ATL2: variants seen among roughly 807,000 people sequenced by gnomAD.
ATL2 encodes the protein atlastin GTPase 2.
A neutral mutation model predicts 73.9 loss-of-function variants in ATL2; 31 were observed. That is an observed-to-expected ratio of 0.42 (90% CI 0.32 to 0.57). ATL2 has a LOEUF of 0.57. Ranked by LOEUF, ATL2 falls within the 20% of genes least tolerant of loss-of-function variation. The pLI is 0.14. For missense variants in ATL2, 738 were observed against 702.6 expected (o/e 1.05, Z -0.57); for synonymous variants, 291 against 237.5 (o/e 1.23, Z -2.07).
intron 1 of ATL2, chr2:38,376,458 C>A: frequency 7.2e-6 from 2 of 276,596 alleles, no homozygotes; most frequent in East Asian, 6.4e-5. Flanking sequence ...GGCTCATAAC[C>A]CCAGTTTGAC....
chr2:38,316,137 G>C (rs780168449), intron 4 of ATL2, among the ~76,000 whole-genome samples: 7 of 152,244 alleles, frequency 4.6e-5, no homozygotes, highest in Non-Finnish European at 1.5e-5. Context: ...ACTCCGAAGA[G>C]AGAACAATCT....
intron 9 of ATL2, among the ~76,000 whole-genome samples, chr2:38,302,078 C>A (rs912544547): frequency 6.6e-6 from 1 of 152,138 alleles, no homozygotes; most frequent in African/African-American, 2.4e-5. Context: ...TCTAAACACA[C>A]CCTGGGCTGG....
upstream of ATL2, among the ~76,000 whole-genome samples, chr2:38,377,735 G>C (rs1421521759): frequency 6.8e-6 from 1 of 146,614 alleles, no homozygotes; most frequent in Non-Finnish European, 1.5e-5. Flanking sequence ...CCTTTTCATC[G>C]CCCCCTCCTC....
At chr2:38,302,727 C>G (rs1251505214) in intron 9 of ATL2, among the ~76,000 whole-genome samples, 1 of 152,088 alleles carries the variant, frequency 6.6e-6, no homozygotes, top group Non-Finnish European at 1.5e-5. Flanking sequence ...GGCAGTACCT[C>G]TACAAATCTG....
intron 6 of ATL2, among the ~76,000 whole-genome samples, chr2:38,314,341 TTAGA>T (rs1667913703): frequency 6.6e-6 from 1 of 152,214 alleles, no homozygotes; most frequent in Admixed American, 6.5e-5. Context: ...TGTCTTAAGT[TTAGA>T]ATAACATCTG....
intron 1 of ATL2, among the ~76,000 whole-genome samples, chr2:38,352,542 C>A (rs1353180153): frequency 6.6e-6 from 1 of 152,162 alleles, no homozygotes; most frequent in East Asian, 1.9e-4. Flanking sequence ...AGGATCTATG[C>A]AGAGGTGGAG....
intron 2 of ATL2, among the ~76,000 whole-genome samples, chr2:38,324,986 G>C (rs561937707): frequency 1.8e-4 from 27 of 152,310 alleles, no homozygotes; most frequent in African/African-American, 5.5e-4. Context: ...AATGTGAACA[G>C]ACTTAGTGCC....
chr2:38,369,032 T>G (rs1486528875), intron 1 of ATL2, among the ~76,000 whole-genome samples: 1 of 152,228 alleles, frequency 6.6e-6, no homozygotes, highest in African/African-American at 2.4e-5. Context: ...TTTTTACCTA[T>G]ATGTTGGCAT....
intron 2 of ATL2, among the ~76,000 whole-genome samples, chr2:38,331,466 C>T (rs1315281284): frequency 2.8e-5 from 4 of 144,612 alleles, no homozygotes; most frequent in African/African-American, 5.3e-5. Context: ...AAAAATTAGC[C>T]GGGCATGGCA....
intron 1 of ATL2, among the ~76,000 whole-genome samples, chr2:38,343,778 G>A (rs1271253771): frequency 6.6e-6 from 1 of 152,116 alleles, no homozygotes; most frequent in Non-Finnish European, 1.5e-5. Flanking sequence ...TTGTGGGAAG[G>A]ACCCAGTGGG....
At chr2:38,367,157 G>GT (rs965927270) in intron 1 of ATL2, among the ~76,000 whole-genome samples, 24 of 150,496 alleles carry the variant, frequency 1.6e-4, no homozygotes, top group African/African-American at 3.4e-4. Context: ...TTTCAGGTAG[G>GT]TTTTTTTTTA....
chr2:38,306,273 G>T (rs10177220), intron 9 of ATL2, among the ~76,000 whole-genome samples: 5,847 of 152,110 alleles, frequency 0.038, 153 homozygotes, highest in African/African-American at 0.072. Flanking sequence ...ACAAAGAAAA[G>T]CCCGAAAGCT....
chr2:38,371,681 T>G (rs1671697935), intron 1 of ATL2, among the ~76,000 whole-genome samples: 1 of 152,114 alleles, frequency 6.6e-6, no homozygotes. Context: ...GTGGATCACC[T>G]GAGGTCAGGA....
chr2:38,300,217 A>T (rs1573422794), intron 10 of ATL2, 55 bp downstream of exon 10: 6 of 1,376,726 alleles, frequency 4.4e-6, no homozygotes, highest in Non-Finnish European at 5.0e-6. Context: ...AAAGATTTTT[A>T]TTCTCCCTCA....
rs1402040748 is a variant in ATL2 at position 38,321,092 on chromosome 2, G to GGTT, written c.364-2076_364-2074dup. ...ATCGCTTGAACCCGGGTTTCAGGTG[G>GGTT]GTTGTGGGAGGTGGAGGTTGCAGTG... On this transcript the variant is annotated intron_variant, in intron 2 of 12. Coordinates refer to ENST00000378954, the MANE Select transcript of ATL2 (RefSeq NM_001135673.4). 2.0e-5 allele frequency among the ~76,000 whole-genome samples: 3 copies of GGTT among 152,242 alleles called. No individual in the cohort carries two copies. The East Asian group carries it at 5.8e-4, about 29-fold the overall frequency.
intron 9 of ATL2, among the ~76,000 whole-genome samples, chr2:38,307,282 T>C (rs1667501319): frequency 6.6e-6 from 1 of 152,040 alleles, no homozygotes; most frequent in Non-Finnish European, 1.5e-5. Flanking sequence ...AACTTGATAA[T>C]GTGCTTGCAG....
Position 38,324,879 on chromosome 2 carries a change from G to A in ATL2, c.364-5860C>T, listed in dbSNP as rs145199033. 7.9e-5 allele frequency among the ~76,000 whole-genome samples: 12 copies of A among 152,294 alleles called. No individual in the cohort carries two copies. The Middle Eastern group carries it at 0.01, about 130-fold the overall frequency. ...TAGAATGGTGGATGCCAGGGGATTG[G>A]GGAGAGAAATGGGGAGTTAGTGTTT... On this transcript the variant is annotated intron_variant, in intron 2 of 12. Transcript: ENST00000378954.
At chr2:38,365,176 C>CACACACAAAT (rs1553342193) in intron 1 of ATL2, among the ~76,000 whole-genome samples, 2 of 138,354 alleles carry the variant, frequency 1.4e-5, no homozygotes, top group Admixed American at 6.8e-5. Context: ...AATACACACA[C>CACACACAAAT]ACACACACAC....
intron 1 of ATL2, among the ~76,000 whole-genome samples, chr2:38,353,066 C>A (rs1670449547): frequency 6.6e-6 from 1 of 151,934 alleles, no homozygotes; most frequent in African/African-American, 2.4e-5. Context: ...ACTAGACATA[C>A]AAAGAAAGAA....
Sources: gnomAD v4.1 joint callset for allele counts (sites outside exome capture counted in the v4.1 genomes callset) on GRCh38, gnomAD v4.1.1 for gene constraint, MANE v1.5 for transcripts, NCBI Gene and HGNC (gene_info 2026-07-23, HGNC 2026-07-21) for gene names.